The following GTF3A variants were observed in gnomAD, a reference collection of about 807,000 sequenced individuals.
GTF3A encodes the protein transcription factor IIIA.
GTF3A carries 40 observed loss-of-function variants against 37.6 expected under a neutral mutation model. That is an observed-to-expected ratio of 1.06 (90% CI 0.83 to 1.38). The LOEUF (loss-of-function observed/expected upper bound fraction) is 1.38, where lower values mean the gene tolerates loss of function less well. Ranked by LOEUF, GTF3A falls within the 40% of genes most tolerant of loss-of-function variation. The pLI, the probability that GTF3A is intolerant of heterozygous loss-of-function variation, is 0.00. For synonymous variants in GTF3A, 191 were observed against 166.7 expected, an observed-to-expected ratio of 1.15 and a Z score of -1.12; for missense variants, 500 against 462.6, an observed-to-expected ratio of 1.08 and a Z score of -0.74.
rs913934098 is a variant in GTF3A, at chr13:27,424,678, C to CCGGCACGTGTCT, written c.-50_-39dup. On this transcript the variant is annotated 5_prime_UTR_variant, in exon 1 of 9. Coordinates refer to ENST00000381140, the MANE Select transcript of GTF3A (RefSeq NM_002097.3). Reference sequence around the variant, plus strand: ...AGCCGTGGGCCGGGCGCGCCGGTTCCCGGCACGTGTCTCGGCACGTGGCAG... The same window carrying CCGGCACGTGTCT: ...AGCCGTGGGCCGGGCGCGCCGGTTCCCGGCACGTGTCTCGGCACGTGTCTCGGCACGTGGCAG... 2.1e-5 allele frequency: 26 copies of CCGGCACGTGTCT among 1,253,792 alleles called. No homozygotes were observed. The highest frequency in any genetic ancestry group is 2.9e-4 in the Middle Eastern group (1 of 3,410). The allele number at this position is 1,253,792 out of a possible 1,614,324, so 77.7% of individuals were successfully genotyped here. A position where few individuals can be genotyped will look rare whatever the true frequency, so the allele number is the denominator to read the frequency against.
chr13:27,435,386 C>CA (rs1327397663), intron 8 of GTF3A, 47 bp from the exon 9 acceptor site: 2 of 1,563,754 alleles, frequency 1.3e-6, no homozygotes, highest in African/African-American at 1.4e-5. Flanking sequence ...TTAACTCAGA[C>CA]AGTTTTGATT....
chr13:27,429,805 A>G, intron 2 of GTF3A, 65 bp from the exon 3 acceptor site: 1 of 740,092 alleles, frequency 1.4e-6, no homozygotes, highest in Middle Eastern at 2.7e-4. Flanking sequence ...GTAGGAAGAT[A>G]TATGTGTCTT....
rs1462735661 is a variant in GTF3A at position 27,435,152 on chromosome 13, C to G, written c.893C>G (p.Ala298Gly). The change falls in exon 8 of 9, where the codon GCT becomes GGT. Residue 298 changes from alanine to glycine, a missense_variant. By Grantham distance (60) the Ala-to-Gly change is moderately conservative. Transcript: ENST00000381140. Reference sequence around the variant, plus strand: ...TTGTAGCAAAGTCTCACTAGGCATGCTGTTGTACATGATCCTGACAAGAAG... The same window carrying G: ...TTGTAGCAAAGTCTCACTAGGCATGGTGTTGTACATGATCCTGACAAGAAG... The G allele has an allele frequency of 2.4e-5, 39 of 1,609,198 alleles. No individual in the cohort carries two copies. The highest frequency in any genetic ancestry group is 3.2e-5 in the Non-Finnish European group (38 of 1,177,726).
chr13:27,425,251 AAC>A (rs1197426712), intron 1 of GTF3A: 1 of 333,178 alleles, frequency 3.0e-6, no homozygotes, highest in African/African-American at 2.1e-5. Flanking sequence ...ACACCTGCCA[AAC>A]ACTGGCCCCT....
intron 1 of GTF3A, 137 bp downstream of exon 1, chr13:27,425,075 C>T: frequency 3.4e-6 from 2 of 596,216 alleles, no homozygotes; most frequent in Admixed American, 3.7e-5. Context: ...GGGGAAGGAG[C>T]TGAGGAAGTA....
rs1359962430 is a variant in GTF3A, at chr13:27,435,532, G to A, written c.1033G>A (p.Gly345Arg). The change falls in exon 9 of 9, where the codon GGA becomes AGA. Residue 345 changes from glycine (G) to arginine (R), a missense_variant. By Grantham distance (125) the Gly-to-Arg change is moderately radical. Coordinates refer to ENST00000381140, the MANE Select transcript of GTF3A (RefSeq NM_002097.3). ...GCAAGGCTTATCTTTGTGTCAAAAC[G>A]GAGAGTCACCCAACTGTGTGGAAGA... is the stretch of plus-strand genomic sequence containing the variant. 35 of 1,613,312 alleles carry A rather than the reference G, an allele frequency of 2.2e-5. No individual in the cohort carries two copies. In the Admixed American group the frequency reaches 2.5e-4, roughly 12 times the overall value.
At position 27,424,819 on chromosome 13, in the gene GTF3A, G is replaced by C. The variant is rs904875437; in HGVS notation, c.82G>C (p.Ala28Pro). The change falls in exon 1 of 9, where the codon GCT becomes CCT. Residue 28 changes from alanine to proline, a missense_variant. Ala to Pro is a conservative substitution (Grantham distance 27, BLOSUM62 -1). Transcript: ENST00000381140. ...GTTCATTGCAGCCGGCGAGAGCTCA[G>C]CTCCGACCCCGCCGCGCCCCGCGCT... The C allele has an allele frequency of 1.1e-5, 17 of 1,550,928 alleles. No homozygotes were observed. Among genetic ancestry groups the C allele is most frequent in the Non-Finnish European group, 1.5e-5 (17 of 1,146,926 alleles).
rs556245843 is a variant in GTF3A, at chr13:27,435,162, T to C, written c.903T>C (p.His301=). 3 of 1,606,040 alleles carry C rather than the reference T, an allele frequency of 1.9e-6. No individual in the cohort carries two copies. The highest frequency in any genetic ancestry group is 2.2e-5 in the South Asian group (2 of 89,026). Reference sequence around the variant, plus strand: ...GTCTCACTAGGCATGCTGTTGTACATGATCCTGACAAGAAGAAAATGAAGC... The same window carrying C: ...GTCTCACTAGGCATGCTGTTGTACACGATCCTGACAAGAAGAAAATGAAGC... Residue 301 remains histidine (H), a synonymous_variant, in exon 8 of 9, where the codon CAT becomes CAC. Coordinates refer to ENST00000381140, the MANE Select transcript of GTF3A (RefSeq NM_002097.3).
In GTF3A at chr13:27,424,899, C is replaced by T. The variant is rs1437079477; in HGVS notation, c.162C>T (p.Ala54=). 2 of 1,549,936 alleles carry T rather than the reference C, an allele frequency of 1.3e-6. No homozygotes were observed. Among genetic ancestry groups the T allele is most frequent in the Non-Finnish European group, 1.7e-6 (2 of 1,146,320 alleles). The change falls in exon 1 of 9, where the codon GCC becomes GCT. Residue 54 remains alanine (A), a synonymous_variant. Transcript: ENST00000381140. ...ACTGCAGCGCCAATTACAGCAAAGC[C>T]TGGAAGCTTGACGCGCACCTGTGCA...
At chr13:27,434,489 T>C (rs895213036) in intron 6 of GTF3A, among the ~76,000 whole-genome samples, 1 of 151,764 alleles carries the variant, frequency 6.6e-6, no homozygotes, top group African/African-American at 2.4e-5. Context: ...TGGGACCGCC[T>C]GGGAAACAGT....
chr13:27,433,209 C>CA (rs35654423), intron 5 of GTF3A, among the ~76,000 whole-genome samples: 59,068 of 130,578 alleles, frequency 0.45, 12,922 homozygotes, highest in South Asian at 0.62. Context: ...TTACGTTTCT[C>CA]AAAAAAAAAA....
rs766824645 is a variant in GTF3A, at chr13:27,427,161, A to C, written c.271A>C (p.Ile91Leu). The C allele has an allele frequency of 3.1e-6, 5 of 1,603,512 alleles. 1 individual carries two copies. The South Asian group carries it at 5.5e-5, about 18-fold the overall frequency. ...CAGGGACTACCATCTGAGCCGCCACATTCTGACTCACACAGGAGAAAAGCC... is the reference window on the plus strand; with the variant it reads ...CAGGGACTACCATCTGAGCCGCCACCTTCTGACTCACACAGGAGAAAAGCC... The change falls in exon 2 of 9, where the codon ATT (isoleucine) becomes CTT (leucine). Residue 91 changes from isoleucine (I) to leucine (L), a missense_variant. Coordinates refer to ENST00000381140, the MANE Select transcript of GTF3A (RefSeq NM_002097.3).
chr13:27,435,017 A>G lies in GTF3A; in HGVS notation c.856A>G (p.Lys286Glu), dbSNP rs1435542830. ...TGTGTGTGAACATGCTGGCTGTGGC[A>G]AAACATTTGCAATGAAAGTAAGCAC... The change falls in exon 7 of 9, where the codon AAA (lysine) becomes GAA (glutamate). Residue 286 changes from lysine (K) to glutamate (E), a missense_variant. By Grantham distance (56) the Lys-to-Glu change is moderately conservative (BLOSUM62 1). Transcript: ENST00000381140. 6.2e-7 allele frequency: 1 copy of G among 1,602,562 alleles called. No individual in the cohort carries two copies. Among genetic ancestry groups the G allele is most frequent in the South Asian group, 1.1e-5 (1 of 90,838 alleles).
intron 1 of GTF3A, among the ~76,000 whole-genome samples, chr13:27,426,724 A>C (rs1953607900): frequency 6.6e-6 from 1 of 152,070 alleles, no homozygotes; most frequent in Non-Finnish European, 1.5e-5. Context: ...GCTTTTTTAC[A>C]TGTTAAATCA....
Position 27,424,679 on chromosome 13 carries a change from C to T in GTF3A, c.-59C>T, listed in dbSNP as rs185665072. The stretch of plus-strand genomic sequence containing the variant: ...GCCGTGGGCCGGGCGCGCCGGTTCC[C>T]GGCACGTGTCTCGGCACGTGGCAGC... On this transcript the variant is annotated 5_prime_UTR_variant, in exon 1 of 9. Coordinates refer to ENST00000381140, the MANE Select transcript of GTF3A (RefSeq NM_002097.3). The T allele has an allele frequency of 1.4e-3, 1,709 of 1,254,418 alleles. 41 individuals are homozygous for T. In the Admixed American group the frequency reaches 0.051, roughly 37 times the overall value. 77.7% of individuals were successfully genotyped at this position (1,254,418 alleles called of 1,614,324 possible).
intron 5 of GTF3A, 73 bp downstream of exon 5, chr13:27,432,877 T>G: frequency 2.4e-6 from 3 of 1,243,622 alleles, no homozygotes; most frequent in Non-Finnish European, 3.5e-6. Flanking sequence ...TGTTCTGTGA[T>G]CACGCTGAAA....
intron 2 of GTF3A, among the ~76,000 whole-genome samples, chr13:27,428,582 G>A (rs1476844154): frequency 6.6e-6 from 1 of 152,136 alleles, no homozygotes; most frequent in African/African-American, 2.4e-5. Context: ...TAACTAACCA[G>A]CCCCCTCTCC....
At chr13:27,435,101 T>C in intron 7 of GTF3A, 32 bp from the exon 8 acceptor site, 1 of 1,582,838 alleles carries the variant, frequency 6.3e-7, no homozygotes, top group Non-Finnish European at 8.7e-7. Context: ...TTCATATTAA[T>C]ATTTCATTAA....
In GTF3A at chr13:27,435,210, A is replaced by T; in HGVS notation, c.933+18A>T. On this transcript the variant is annotated intron_variant, in intron 8 of 8. Transcript: ENST00000381140. ...AGCTCAAAGTAAGTTGAAACTACTT[A>T]GGCAAGCTTAGTTTTCAAGTGGAAA... is the stretch of plus-strand genomic sequence containing the variant. 6.3e-7 allele frequency: 1 copy of T among 1,576,358 alleles called. No homozygotes were observed. Among genetic ancestry groups the T allele is most frequent in the African/African-American group, 1.4e-5 (1 of 72,958 alleles).
Sources: allele counts gnomAD v4.1 joint callset (sites outside exome capture counted in the v4.1 genomes callset), GRCh38; gene constraint gnomAD v4.1.1; transcripts MANE v1.5; gene names NCBI Gene and HGNC (gene_info 2026-07-23, HGNC 2026-07-21).